The following PCDHGA3 variants were observed in gnomAD, a reference collection of about 807,000 sequenced individuals.
PCDHGA3 encodes protocadherin gamma-A3.
In PCDHGA3, 40 loss-of-function variants were observed where a neutral mutation model predicts 58.5. That is an observed-to-expected ratio of 0.68 (90% CI 0.53 to 0.89). PCDHGA3 has a LOEUF of 0.89. Ranked by LOEUF, PCDHGA3 falls within the 40% of genes least tolerant of loss-of-function variation. The pLI is 0.00. For missense variants in PCDHGA3, 1,223 were observed against 1,195.9 expected (o/e 1.02, Z -0.33); for synonymous variants, 530 against 525.7 (o/e 1.01, Z -0.11).
intron 1 of PCDHGA3, among the ~76,000 whole-genome samples, chr5:141,465,048 AT>A (rs905091014): frequency 4.0e-5 from 6 of 151,346 alleles, no homozygotes; most frequent in African/African-American, 9.7e-5. Context: ...GACCCTATAT[AT>A]TTTTTTGAAT....
chr5:141,383,319 A>T, intron 1 of PCDHGA3: 2 of 1,614,020 alleles, frequency 1.2e-6, no homozygotes, highest in Non-Finnish European at 1.7e-6. Context: ...AAATAAATGT[A>T]AAAATAATGG....
At chr5:141,450,888 G>C (rs1038570371) in intron 1 of PCDHGA3, among the ~76,000 whole-genome samples, 27 of 145,380 alleles carry the variant, frequency 1.9e-4, no homozygotes, top group Non-Finnish European at 3.9e-4. Flanking sequence ...GCAGTGGTGC[G>C]ATATCGGCTC....
intron 1 of PCDHGA3, chr5:141,375,778 C>T (rs772854971): frequency 1.9e-6 from 3 of 1,614,242 alleles, no homozygotes; most frequent in South Asian, 2.2e-5. Flanking sequence ...TCCTGTACCC[C>T]GCCCTCCCCA....
chr5:141,433,305 C>T, intron 1 of PCDHGA3: 1 of 931,032 alleles, frequency 1.1e-6, no homozygotes, highest in Non-Finnish European at 1.6e-6. Flanking sequence ...GCAATTATCC[C>T]ACCTTTGCCT....
At chr5:141,397,943 C>T in intron 1 of PCDHGA3, 1 of 892,874 alleles carries the variant, frequency 1.1e-6, no homozygotes, top group South Asian at 1.8e-5. Flanking sequence ...GCGCGCTTTC[C>T]AGGGCAGCCC....
intron 1 of PCDHGA3, among the ~76,000 whole-genome samples, chr5:141,386,303 T>G (rs938709302): frequency 6.6e-6 from 1 of 152,202 alleles, no homozygotes; most frequent in Non-Finnish European, 1.5e-5. Context: ...TTAGTAAAGC[T>G]CAGTATATCA....
intron 1 of PCDHGA3, among the ~76,000 whole-genome samples, chr5:141,433,790 T>A (rs1052636810): frequency 2.0e-5 from 3 of 151,564 alleles, no homozygotes; most frequent in South Asian, 4.2e-4. Flanking sequence ...TGAGCTGAGA[T>A]TGTGCCATTG....
Position 141,346,266 on chromosome 5 carries a change from G to A in PCDHGA3, c.2233G>A (p.Gly745Arg), listed in dbSNP as rs751092764. The A allele has an allele frequency of 1.2e-6, 2 of 1,614,200 alleles. No homozygotes were observed. Among genetic ancestry groups the A allele is most frequent in the South Asian group, 2.2e-5 (2 of 91,082 alleles). Residue 745 changes from glycine (G) to arginine (R), a missense_variant, in exon 1 of 4, where the codon GGG becomes AGG. Gly to Arg is a moderately radical substitution (Grantham distance 125). Transcript: ENST00000253812. ...TPGSHFVGADGVRAFLQTYSH... is the reference protein window; with the variant it reads ...TPGSHFVGADRVRAFLQTYSH... ...CGGCTCGCACTTTGTGGGCGCGGAC[G>A]GGGTTCGGGCTTTCCTGCAGACCTA...
chr5:141,494,680 C>G (rs552351026), intron 1 of PCDHGA3, 127 bp from the exon 2 acceptor site: 2 of 1,560,096 alleles, frequency 1.3e-6, no homozygotes, highest in East Asian at 4.6e-5. Context: ...CCACCCCTGC[C>G]CCCTCTTAGT....
intron 1 of PCDHGA3, chr5:141,371,239 T>C (rs1319098085): frequency 6.2e-7 from 1 of 1,614,010 alleles, no homozygotes. Flanking sequence ...TATGCCTTCA[T>C]CAATATTGGC....
At position 141,485,321 on chromosome 5, in the gene PCDHGA3, C is replaced by G. The variant is rs780179631; in HGVS notation, c.2425-9486C>G. The G allele has an allele frequency of 6.2e-7, 1 of 1,614,154 alleles. No homozygotes were observed. Among genetic ancestry groups the G allele is most frequent in the Non-Finnish European group, 8.5e-7 (1 of 1,180,024 alleles). On this transcript the variant is annotated intron_variant, in intron 1 of 3. Transcript: ENST00000253812. This position sits in a 1 kb window ranked among gnomAD's most constrained non-coding sequence, Gnocchi z 5.7. The stretch of plus-strand genomic sequence containing the variant: ...AGGGACTTTTGTAGGGAATGTCGCT[C>G]AAGATTTCCTGCTGGATACGGACAG...
chr5:141,404,932 C>A, intron 1 of PCDHGA3: 1 of 1,613,944 alleles, frequency 6.2e-7, no homozygotes, highest in Non-Finnish European at 8.5e-7. Flanking sequence ...CTGTCACGCT[C>A]ACAGTAGCCA....
intron 1 of PCDHGA3, chr5:141,403,951 G>C: frequency 6.2e-7 from 1 of 1,613,882 alleles, no homozygotes. Flanking sequence ...GGACAAAAGT[G>C]CTCATTTCGG....
intron 1 of PCDHGA3, among the ~76,000 whole-genome samples, chr5:141,462,211 C>T (rs543979258): frequency 2.0e-5 from 3 of 151,998 alleles, no homozygotes; most frequent in South Asian, 2.1e-4. Context: ...CCGCCTGCCT[C>T]GGCCTCCCAA....
chr5:141,398,661 C>A, intron 1 of PCDHGA3: 1 of 1,614,018 alleles, frequency 6.2e-7, no homozygotes, highest in Non-Finnish European at 8.5e-7. Context: ...ACCCAAGTTT[C>A]TCATTAATAA....
At chr5:141,399,174 T>C (rs2093763814) in intron 1 of PCDHGA3, 1 of 1,613,700 alleles carries the variant, frequency 6.2e-7, no homozygotes, top group Admixed American at 1.7e-5. Context: ...ATTCTCTACT[T>C]GAAATGATTC....
intron 1 of PCDHGA3, chr5:141,393,467 C>G (rs1589192441): frequency 6.2e-7 from 1 of 1,614,044 alleles, no homozygotes; most frequent in East Asian, 2.2e-5. Flanking sequence ...CGGATGGCGG[C>G]AAGCCGCCTC....
intron 1 of PCDHGA3, chr5:141,404,658 C>A: frequency 6.2e-7 from 1 of 1,614,198 alleles, no homozygotes; most frequent in Non-Finnish European, 8.5e-7. Flanking sequence ...GCCCTCCCCA[C>A]TGATGGTTCT....
Position 141,432,480 on chromosome 5 carries a change from G to T in PCDHGA3, c.2425-62327G>T, listed in dbSNP as rs775075732. On this transcript the variant is annotated intron_variant, in intron 1 of 3. Transcript: ENST00000253812. This position sits in a 1 kb window ranked among gnomAD's most constrained non-coding sequence, Gnocchi z 6.0. ...GCCCTCCCCACGGACGGTTCCACTG[G>T]CGTGGAGCTGGCTCCCCGCTCCGCA... The T allele has an allele frequency of 1.9e-6, 3 of 1,614,180 alleles. No individual in the cohort carries two copies. The highest frequency in any genetic ancestry group is 2.2e-5 in the South Asian group (2 of 91,078).
Sources: gnomAD v4.1 joint callset for allele counts (sites outside exome capture counted in the v4.1 genomes callset) on GRCh38, gnomAD v4.1.1 for gene constraint, Gnocchi (gnomAD v3.1) non-coding constraint, MANE v1.5 for transcripts, NCBI Gene and HGNC (gene_info 2026-07-23, HGNC 2026-07-21) for gene names.